Variants in HDX observed in about 807,000 individuals in gnomAD.
HDX encodes the protein chromosome X open reading frame 43.
HDX carries 19 observed loss-of-function variants against 45.2 expected under a neutral mutation model. The ratio of observed to expected loss-of-function variants is 0.42; its 90% CI spans 0.29 to 0.62. The LOEUF (loss-of-function observed/expected upper bound fraction) is 0.62, where lower values mean the gene tolerates loss of function less well. HDX is among the 20% of genes least tolerant of loss of function. The pLI is 0.20. For synonymous variants in HDX, 188 were observed against 172.8 expected, an observed-to-expected ratio of 1.09 and a Z score of -0.69; for missense variants, 532 against 493.9, an observed-to-expected ratio of 1.08 and a Z score of -0.73.
chrX:84,395,522 T>C (rs370884288), intron 5 of HDX, among the ~76,000 whole-genome samples: 3 of 111,429 alleles, frequency 2.7e-5, no homozygotes, highest in East Asian at 2.8e-4. Flanking sequence ...TCTTTGACTT[T>C]AGAAAGTTTC....
At chrX:84,466,443 T>C (rs186586595) in intron 4 of HDX, among the ~76,000 whole-genome samples, 17 of 112,354 alleles carry the variant, frequency 1.5e-4, no homozygotes, top group African/African-American at 5.2e-4. Flanking sequence ...AGCTTGAATT[T>C]GAATCCAGGT....
At chrX:84,473,865 C>T (rs2040496753) in intron 3 of HDX, among the ~76,000 whole-genome samples, 1 of 111,284 alleles carries the variant, frequency 9.0e-6, no homozygotes, top group Admixed American at 9.6e-5. Context: ...ATTACATTTT[C>T]TAATACAATT....
chrX:84,436,878 TTTG>T (rs775024493), intron 5 of HDX, among the ~76,000 whole-genome samples: 3 of 110,578 alleles, frequency 2.7e-5, no homozygotes, highest in Non-Finnish European at 3.8e-5. Context: ...ATTGCGTGTT[TTTG>T]TTGTTGTTGT....
chrX:84,440,604 G>A lies in HDX; in HGVS notation c.1252-19C>T, dbSNP rs2039739190. ...CTGAAATCTGTGAAAACAATAAATG[G>A]AATCTCAGTAAGCTATTTATTGACA... is the stretch of plus-strand genomic sequence containing the variant. On this transcript the variant is annotated intron_variant, in intron 4 of 10. Coordinates refer to ENST00000373177, the MANE Select transcript of HDX (RefSeq NM_001177479.2). 2 of 1,082,708 alleles carry A rather than the reference G, an allele frequency of 1.8e-6. No homozygotes were observed. The highest frequency in any genetic ancestry group is 1.3e-6 in the Non-Finnish European group (1 of 782,089). 89.2% of individuals were successfully genotyped at this position (1,082,708 alleles called of 1,213,427 possible).
chrX:84,336,901 A>C, intron 7 of HDX, 21 bp from the exon 8 acceptor site: 1 of 1,062,798 alleles, frequency 9.4e-7, no homozygotes, highest in Non-Finnish European at 1.3e-6. Flanking sequence ...AAATGCCATA[A>C]TTTCATTTTC....
intron 1 of HDX, among the ~76,000 whole-genome samples, chrX:84,493,658 A>G (rs1252665332): frequency 2.7e-5 from 3 of 112,025 alleles, no homozygotes; most frequent in Non-Finnish European, 5.6e-5. Context: ...TGTTTAATCA[A>G]TGATAAAAAT....
intron 5 of HDX, among the ~76,000 whole-genome samples, chrX:84,365,291 C>T (rs1291908431): frequency 9.0e-6 from 1 of 111,316 alleles, no homozygotes; most frequent in East Asian, 2.8e-4. Context: ...TTGATCACCT[C>T]CTCTGCTTCC....
intron 7 of HDX, among the ~76,000 whole-genome samples, chrX:84,341,725 T>C (rs2037089918): frequency 9.2e-6 from 1 of 108,882 alleles, no homozygotes; most frequent in Non-Finnish European, 1.9e-5. Flanking sequence ...GTTTTTTTTT[T>C]TTTCTTAATT....
chrX:84,350,059 C>A (rs1206157417), intron 6 of HDX, among the ~76,000 whole-genome samples: 5 of 110,621 alleles, frequency 4.5e-5, no homozygotes, highest in African/African-American at 1.6e-4. Flanking sequence ...ACCCCAAAAC[C>A]TATAAAAACT....
At chrX:84,439,292 C>T (rs756758238) in intron 5 of HDX, among the ~76,000 whole-genome samples, 9 of 110,896 alleles carry the variant, frequency 8.1e-5, no homozygotes, top group South Asian at 3.8e-4. Context: ...TTGTAGATTC[C>T]GGCTGTTAGA....
intron 4 of HDX, among the ~76,000 whole-genome samples, chrX:84,461,907 A>G (rs759919852): frequency 8.9e-6 from 1 of 112,679 alleles, no homozygotes; most frequent in South Asian, 3.6e-4. Context: ...GCCAACAGGC[A>G]TATGAAAAGG....
chrX:84,369,887 T>G (rs1486629994), intron 5 of HDX, among the ~76,000 whole-genome samples: 1 of 112,365 alleles, frequency 8.9e-6, no homozygotes. Context: ...ATTCTAATAG[T>G]TTCTGATCCT....
intron 10 of HDX, among the ~76,000 whole-genome samples, chrX:84,322,547 TC>T (rs1368927251): frequency 9.0e-6 from 1 of 110,870 alleles, no homozygotes; most frequent in Non-Finnish European, 1.9e-5. Context: ...TTTTATTTTT[TC>T]TTTCCTAAGG....
rs375500860 is a variant in HDX at position 84,336,826 on chromosome X, T to C, written c.1715A>G (p.His572Arg). Residue 572 changes from histidine to arginine, a missense_variant, in exon 8 of 11, where the codon CAC becomes CGC. His to Arg is a conservative substitution (Grantham distance 29). This residue lies in a region of HDX where 151 missense variants were observed against 131.8 expected (regional missense o/e 1.15). Coordinates refer to ENST00000373177, the MANE Select transcript of HDX (RefSeq NM_001177479.2). The stretch of plus-strand genomic sequence containing the variant: ...CACATTATCTGTGGTTACTGCATGG[T>C]GGTCCTCTTCCTTATGAGCCCTTGC... ...NDARAHKEED[H>R]HAVTTDNVKI... 140 of 1,183,866 alleles carry C rather than the reference T, an allele frequency of 1.2e-4. No homozygotes were observed. The highest frequency in any genetic ancestry group is 1.5e-4 in the Non-Finnish European group (135 of 874,324).
rs768837975 is a variant in HDX at position 84,364,121 on chromosome X, G to C, written c.1306-2509C>G. ...TAAAATAACATTAAATGACAACACC[G>C]ATATAGGGATGCAGAGTTTCCTGTT... On this transcript the variant is annotated intron_variant, in intron 5 of 10. Transcript: ENST00000373177. 4.4e-4 allele frequency among the ~76,000 whole-genome samples: 49 copies of C among 111,529 alleles called. No individual in the cohort carries two copies. The South Asian group carries it at 6.4e-3, about 15-fold the overall frequency.
At chrX:84,368,321 T>A (rs1409668544) in intron 5 of HDX, among the ~76,000 whole-genome samples, 2 of 112,053 alleles carry the variant, frequency 1.8e-5, no homozygotes, top group Admixed American at 9.5e-5. Context: ...GTGTTGTCTT[T>A]TTTACACAAT....
At chrX:84,484,846 T>C (rs1454508934) in intron 2 of HDX, among the ~76,000 whole-genome samples, 1 of 111,887 alleles carries the variant, frequency 8.9e-6, no homozygotes, top group Non-Finnish European at 1.9e-5. Context: ...TTACTTTTCT[T>C]TTCCTAGTTC....
At chrX:84,349,703 T>C (rs867254666) in intron 6 of HDX, among the ~76,000 whole-genome samples, 1 of 93,283 alleles carries the variant, frequency 1.1e-5, no homozygotes, top group Non-Finnish European at 2.1e-5. Context: ...TGTGTGTGTG[T>C]GCACACACAC....
At chrX:84,455,166 C>A (rs753295568) in intron 4 of HDX, among the ~76,000 whole-genome samples, 2 of 111,582 alleles carry the variant, frequency 1.8e-5, no homozygotes, top group Non-Finnish European at 3.8e-5. Flanking sequence ...AATGCTCAGG[C>A]ACAGACGAAC....
Sources: gnomAD v4.1 joint callset for allele counts (sites outside exome capture counted in the v4.1 genomes callset) on GRCh38, gnomAD v4.1.1 for gene constraint, gnomAD v4.1.1 regional missense constraint, MANE v1.5 for transcripts, NCBI Gene and HGNC (gene_info 2026-07-23, HGNC 2026-07-21) for gene names.